Variants in PRKDC observed in about 807,000 individuals in gnomAD.
The protein encoded by PRKDC is DNA-dependent protein kinase catalytic subunit.
A neutral mutation model predicts 486.9 loss-of-function variants in PRKDC; 82 were observed. The ratio of observed to expected loss-of-function variants is 0.17; its 90% CI spans 0.14 to 0.20. The LOEUF (loss-of-function observed/expected upper bound fraction) is 0.20, where lower values mean the gene tolerates loss of function less well. Ranked by LOEUF, PRKDC falls within the 10% of genes least tolerant of loss-of-function variation. The pLI, the probability that PRKDC is intolerant of heterozygous loss-of-function variation, is 1.00. For synonymous variants in PRKDC, 1,895 were observed against 1,837.0 expected (o/e 1.03, Z -0.81); for missense variants, 4,504 against 5,038.2 (o/e 0.89, Z 3.21).
chr8:47,797,660 C>T (rs1218193357), intron 73 of PRKDC, among the ~76,000 whole-genome samples: 1 of 152,196 alleles, frequency 6.6e-6, no homozygotes, highest in Non-Finnish European at 1.5e-5. Flanking sequence ...TCAGTGGAAC[C>T]CTCCTGCACA....
intron 21 of PRKDC, among the ~76,000 whole-genome samples, chr8:47,923,907 T>C (rs992955120): frequency 3.3e-5 from 5 of 152,242 alleles, no homozygotes; most frequent in African/African-American, 9.6e-5. Context: ...TTTGGACTTG[T>C]GTCCTACAAA....
At chr8:47,854,252 G>A in intron 50 of PRKDC, 38 bp from the exon 51 acceptor site, 1 of 1,600,148 alleles carries the variant, frequency 6.2e-7, no homozygotes, top group Non-Finnish European at 8.6e-7. Context: ...TGAGACTGTT[G>A]CATAATCAAG....
At chr8:47,905,126 G>A (rs2089754501) in intron 25 of PRKDC, 150 bp from the exon 26 acceptor site, 3 of 586,022 alleles carry the variant, frequency 5.1e-6, no homozygotes. Flanking sequence ...TCAGGCTCAA[G>A]TGGTCCCCTC....
intron 35 of PRKDC, among the ~76,000 whole-genome samples, 178 bp downstream of exon 35, chr8:47,887,367 TTC>T (rs2089359770): frequency 6.6e-6 from 1 of 152,154 alleles, no homozygotes; most frequent in African/African-American, 2.4e-5. Context: ...TTCTATTCCG[TTC>T]TTTTTTTTTT....
rs2089712189 is a variant in PRKDC at position 47,902,781 on chromosome 8, G to A, written c.3057C>T (p.Asp1019=). ...LLEAILDGIV[D]PVDSTLRDFC... ...AATCTCTTAAAGTACTGTCAACAGG[G>A]TCCACAATTCCATCCTGAAACAAAA... The change falls in exon 27 of 86, where the codon GAC becomes GAT. Residue 1019 remains aspartate (D), a synonymous_variant. Transcript: ENST00000314191. 6.2e-7 allele frequency: 1 copy of A among 1,607,332 alleles called. No homozygotes were observed. Among genetic ancestry groups the A allele is most frequent in the Non-Finnish European group, 8.5e-7 (1 of 1,177,490 alleles).
Position 47,782,039 on chromosome 8 carries a change from C to T in PRKDC, c.11489+123G>A. 1 of 755,358 alleles carries T rather than the reference C, an allele frequency of 1.3e-6. No individual in the cohort carries two copies. The allele number at this position is 755,358 out of a possible 1,614,324, so 46.8% of individuals were successfully genotyped here. ...CAGCACTCCATTTGGTTTATTGACC[C>T]AGCCAGCAGACTGCGGGGCAGGCAG... On this transcript the variant is annotated intron_variant, in intron 80 of 85. Coordinates refer to ENST00000314191, the MANE Select transcript of PRKDC (RefSeq NM_006904.7). This position sits in a 1 kb window ranked among gnomAD's most constrained non-coding sequence, Gnocchi z 4.9.
chr8:47,777,103 T>C (rs2086622149), intron 84 of PRKDC, 120 bp from the exon 85 acceptor site: 10 of 1,277,168 alleles, frequency 7.8e-6, no homozygotes, highest in Non-Finnish European at 9.6e-6. Context: ...GGAGCAGCCT[T>C]GCTTTCTACA....
At chr8:47,927,562 G>GT (rs2090174520) in intron 20 of PRKDC, among the ~76,000 whole-genome samples, 2 of 152,178 alleles carry the variant, frequency 1.3e-5, no homozygotes, top group African/African-American at 4.8e-5. Flanking sequence ...AGGCACACAG[G>GT]TTTAACTCTC....
At chr8:47,865,246 C>A (rs534926333) in intron 40 of PRKDC, among the ~76,000 whole-genome samples, 3 of 152,024 alleles carry the variant, frequency 2.0e-5, no homozygotes, top group Admixed American at 2.0e-4. Flanking sequence ...ATTAGCTGGG[C>A]GTGGTGGTGT....
intron 73 of PRKDC, among the ~76,000 whole-genome samples, chr8:47,797,334 T>C (rs998603223): frequency 6.6e-6 from 1 of 152,196 alleles, no homozygotes; most frequent in African/African-American, 2.4e-5. Flanking sequence ...TGCTCACTTA[T>C]CTTGAAGAAA....
intron 76 of PRKDC, among the ~76,000 whole-genome samples, chr8:47,787,932 T>A (rs1379249797): frequency 6.6e-6 from 1 of 152,202 alleles, no homozygotes; most frequent in Non-Finnish European, 1.5e-5. Context: ...TTTAAATGGA[T>A]GACTTAAGGA....
chr8:47,781,871 C>T (rs1247927431), intron 80 of PRKDC, among the ~76,000 whole-genome samples: 1 of 152,158 alleles, frequency 6.6e-6, no homozygotes. Context: ...GAGAACAGTA[C>T]CTAGCCCACA....
rs1193369883 is a variant in PRKDC at position 47,935,825 on chromosome 8, T to C, written c.1354A>G (p.Lys452Glu). 2 of 1,613,922 alleles carry C rather than the reference T, an allele frequency of 1.2e-6. No homozygotes were observed. Among genetic ancestry groups the C allele is most frequent in the Non-Finnish European group, 1.7e-6 (2 of 1,179,902 alleles). Residue 452 changes from lysine to glutamate, a missense_variant, in exon 13 of 86, where the codon AAA becomes GAA. Around this residue, in one of 6 missense-constraint regions of PRKDC, gnomAD observed 1,969 missense variants for 2,068.9 expected, o/e 0.95. Transcript: ENST00000314191. ...QIDSFPQYSP[K>E]MQLVCCRAIV... ...GCTCTGCAACACACCAGCTGCATTT[T>C]TGGACTGTACTGTGGGAAACTGTCT...
At chr8:47,921,729 C>G (rs1445152022) in intron 21 of PRKDC, among the ~76,000 whole-genome samples, 1 of 152,124 alleles carries the variant, frequency 6.6e-6, no homozygotes, top group African/African-American at 2.4e-5. Flanking sequence ...ATATAATTAA[C>G]AAGTGGTTGT....
In PRKDC at chr8:47,886,157, A is replaced by G. The variant is rs747716034; in HGVS notation, c.4573-10T>C. 1.2e-4 allele frequency: 182 copies of G among 1,578,000 alleles called. No homozygotes were observed. The highest frequency in any genetic ancestry group is 1.5e-4 in the Non-Finnish European group (170 of 1,164,208). ...TCACAAGGCGCTCACACTGGGAAAA[A>G]GAAAGGAGAAGTACCATAACTGGGG... On this transcript the variant is annotated splice_polypyrimidine_tract_variant and intron_variant, in intron 35 of 85. Transcript: ENST00000314191.
chr8:47,874,400 G>A (rs1221312863), intron 40 of PRKDC, among the ~76,000 whole-genome samples: 1 of 152,092 alleles, frequency 6.6e-6, no homozygotes, highest in Non-Finnish European at 1.5e-5. Context: ...TTATACACAT[G>A]TATCAAAATA....
chr8:47,892,545 G>A (rs1374424203), intron 31 of PRKDC, among the ~76,000 whole-genome samples: 1 of 152,064 alleles, frequency 6.6e-6, no homozygotes, highest in African/African-American at 2.4e-5. Flanking sequence ...TGCCCAGGCT[G>A]GTCTCAACCT....
chr8:47,959,917 C>A, intron 1 of PRKDC, 56 bp downstream of exon 1: 1 of 1,520,862 alleles, frequency 6.6e-7, no homozygotes, highest in Non-Finnish European at 8.8e-7. Context: ...TGCCCGGCTC[C>A]AGAACGACTC....
At chr8:47,954,901 A>T (rs1392139128) in intron 4 of PRKDC, among the ~76,000 whole-genome samples, 2 of 152,200 alleles carry the variant, frequency 1.3e-5, no homozygotes, top group African/African-American at 4.8e-5. Flanking sequence ...CACGCCTGTA[A>T]TCCTAGCACT....
Sources: allele counts gnomAD v4.1 joint callset (sites outside exome capture counted in the v4.1 genomes callset), GRCh38; gene constraint gnomAD v4.1.1; regional missense constraint gnomAD v4.1.1; non-coding constraint Gnocchi (gnomAD v3.1); transcripts MANE v1.5; gene names NCBI Gene and HGNC (gene_info 2026-07-23, HGNC 2026-07-21).